SLC9A9: variants seen among roughly 807,000 people sequenced by gnomAD.
SLC9A9 encodes the protein sodium/hydrogen exchanger 9.
A neutral mutation model predicts 77.8 loss-of-function variants in SLC9A9; 62 were observed. That is an observed-to-expected ratio of 0.80 (90% CI 0.65 to 0.98). The LOEUF (loss-of-function observed/expected upper bound fraction) is 0.98, where lower values mean the gene tolerates loss of function less well. SLC9A9 is among the 50% of genes least tolerant of loss of function. The probability of loss-of-function intolerance (pLI) is 0.00; values close to 1 mark genes in which losing one functional copy is unlikely to be tolerated. For missense variants in SLC9A9, 775 were observed against 774.9 expected, an observed-to-expected ratio of 1.00 and a Z score of 0.00; for synonymous variants, 320 against 283.5, an observed-to-expected ratio of 1.13 and a Z score of -1.29.
intron 13 of SLC9A9, among the ~76,000 whole-genome samples, chr3:143,377,565 A>G (rs1221052996): frequency 6.6e-6 from 1 of 152,246 alleles, no homozygotes; most frequent in Admixed American, 6.5e-5. Flanking sequence ...CAAAACCAGA[A>G]TTTCAATGAA....
At chr3:143,832,275 C>G in intron 1 of SLC9A9, 54 bp from the exon 2 acceptor site, 1 of 1,458,590 alleles carries the variant, frequency 6.9e-7, no homozygotes, top group Non-Finnish European at 9.5e-7. Flanking sequence ...TAAAATGCCA[C>G]TATTGGAAAC....
intron 12 of SLC9A9, 86 bp downstream of exon 12, chr3:143,466,951 T>C (rs2035289301): frequency 5.3e-6 from 8 of 1,513,062 alleles, no homozygotes; most frequent in Non-Finnish European, 7.2e-6. Context: ...CCTGCCACTG[T>C]ACTATTGACT....
intron 6 of SLC9A9, among the ~76,000 whole-genome samples, chr3:143,603,780 T>C (rs1382795548): frequency 2.0e-5 from 3 of 152,234 alleles, no homozygotes. Context: ...GGACAACCGT[T>C]ACTTAGGCTC....
At position 143,652,295 on chromosome 3, in the gene SLC9A9, C is replaced by T. The variant is rs2038809680; in HGVS notation, c.715G>A (p.Glu239Lys). The change falls in exon 6 of 16, where the codon GAG becomes AAG. Residue 239 changes from glutamate to lysine, a missense_variant. By Grantham distance (56) the Glu-to-Lys change is moderately conservative (BLOSUM62 1). Transcript: ENST00000316549. ...DPDLYTLLFG[E>K]SVLNDAVAIV... ...GCCACTGCATCATTCAACACACTCT[C>T]TCCAAACAAGAGTGTGTACAGGTCA... 3 of 1,613,328 alleles carry T rather than the reference C, an allele frequency of 1.9e-6. No homozygotes were observed. Among genetic ancestry groups the T allele is most frequent in the African/African-American group, 1.3e-5 (1 of 74,938 alleles).
At chr3:143,269,683 T>G (rs1476280743) in intron 14 of SLC9A9, among the ~76,000 whole-genome samples, 2 of 152,216 alleles carry the variant, frequency 1.3e-5, no homozygotes, top group African/African-American at 4.8e-5. Flanking sequence ...TTATTTTAGT[T>G]TTTTTGCTCA....
At chr3:143,529,188 AT>A (rs1207164324) in intron 9 of SLC9A9, among the ~76,000 whole-genome samples, 1 of 152,198 alleles carries the variant, frequency 6.6e-6, no homozygotes, top group Admixed American at 6.5e-5. Flanking sequence ...AGAGTGGGAA[AT>A]GCCCCTCTGG....
Position 143,539,306 on chromosome 3 carries a change from T to C in SLC9A9, c.1089+13056A>G, listed in dbSNP as rs148507432. Among the ~76,000 whole-genome samples, 83 of 152,350 alleles carry C rather than the reference T, an allele frequency of 5.4e-4. 1 individual carries two copies. In the East Asian group the frequency reaches 8.1e-3, roughly 15 times the overall value. On this transcript the variant is annotated intron_variant, in intron 9 of 15. Transcript: ENST00000316549. The stretch of plus-strand genomic sequence containing the variant: ...GAGTTATATATCATATCTCCACTGA[T>C]AGGATTCTTTGGATTTTTGAGCTGT...
At chr3:143,661,051 T>G (rs2038971013) in intron 5 of SLC9A9, among the ~76,000 whole-genome samples, 1 of 152,176 alleles carries the variant, frequency 6.6e-6, no homozygotes, top group Non-Finnish European at 1.5e-5. Flanking sequence ...TTGAAAGTTT[T>G]TACCATATCT....
At position 143,517,257 on chromosome 3, in the gene SLC9A9, C is replaced by A. The variant is rs189786912; in HGVS notation, c.1090-21809G>T. 24 of 1,276,082 alleles carry A rather than the reference C, an allele frequency of 1.9e-5. No individual in the cohort carries two copies. In the Admixed American group the frequency reaches 3.4e-4, roughly 18 times the overall value. 79.0% of individuals were successfully genotyped at this position (1,276,082 alleles called of 1,614,324 possible). On this transcript the variant is annotated intron_variant, in intron 9 of 15. Coordinates refer to ENST00000316549, the MANE Select transcript of SLC9A9 (RefSeq NM_173653.4). ...ACCATAACTTCTGGATCCTGCATGG[C>A]GGCAAGAACCTCTGGATCACTAAGA... is the stretch of plus-strand genomic sequence containing the variant.
intron 11 of SLC9A9, among the ~76,000 whole-genome samples, chr3:143,485,955 T>A (rs1394594537): frequency 6.6e-6 from 1 of 151,820 alleles, no homozygotes; most frequent in Admixed American, 6.6e-5. Flanking sequence ...CTTCATGAAC[T>A]CCAAGTAGAT....
chr3:143,630,663 A>G (rs934840144), intron 6 of SLC9A9, among the ~76,000 whole-genome samples: 2 of 152,148 alleles, frequency 1.3e-5, no homozygotes, highest in Non-Finnish European at 2.9e-5. Flanking sequence ...TGAGGGGGAA[A>G]ATGGAATTCT....
At chr3:143,838,534 G>A (rs1468046954) in intron 1 of SLC9A9, among the ~76,000 whole-genome samples, 1 of 152,128 alleles carries the variant, frequency 6.6e-6, no homozygotes, top group Non-Finnish European at 1.5e-5. Flanking sequence ...ATAATTATTT[G>A]AAGACAGAAA....
Position 143,467,527 on chromosome 3 carries a change from T to A in SLC9A9, c.1316-337A>T, listed in dbSNP as rs149318426. Among the ~76,000 whole-genome samples the A allele has an allele frequency of 3.3e-3, 501 of 152,206 alleles. 7 individuals are homozygous for A. The highest frequency in any genetic ancestry group is 0.011 in the African/African-American group (470 of 41,536). ...GGGAAGTTGAAGTGGGAAAATCACATGAAGTCAGGCATTCGAGACCAGCCT... is the reference window on the plus strand; with the variant it reads ...GGGAAGTTGAAGTGGGAAAATCACAAGAAGTCAGGCATTCGAGACCAGCCT... On this transcript the variant is annotated intron_variant, in intron 11 of 15. Coordinates refer to ENST00000316549, the MANE Select transcript of SLC9A9 (RefSeq NM_173653.4).
At chr3:143,606,142 G>C (rs1242999334) in intron 6 of SLC9A9, among the ~76,000 whole-genome samples, 1 of 115,182 alleles carries the variant, frequency 8.7e-6, no homozygotes, top group African/African-American at 4.2e-5. Flanking sequence ...GCTCAGGTCT[G>C]TAATCCTAGC....
At chr3:143,629,252 C>A (rs1436974083) in intron 6 of SLC9A9, among the ~76,000 whole-genome samples, 2 of 152,176 alleles carry the variant, frequency 1.3e-5, no homozygotes, top group Non-Finnish European at 2.9e-5. Context: ...GTCCAAACTA[C>A]TGACTCAACA....
At chr3:143,388,102 G>C (rs924952475) in intron 12 of SLC9A9, among the ~76,000 whole-genome samples, 1 of 152,106 alleles carries the variant, frequency 6.6e-6, no homozygotes, top group Non-Finnish European at 1.5e-5. Context: ...AGAGTGGCTG[G>C]AGATTGAGCA....
At chr3:143,562,835 C>T (rs1460116660) in intron 8 of SLC9A9, among the ~76,000 whole-genome samples, 1 of 151,798 alleles carries the variant, frequency 6.6e-6, no homozygotes, top group Non-Finnish European at 1.5e-5. Flanking sequence ...GATGAATGGA[C>T]TCAACTACAT....
intron 14 of SLC9A9, among the ~76,000 whole-genome samples, chr3:143,333,133 T>C (rs1390975975): frequency 1.3e-5 from 2 of 152,184 alleles, no homozygotes; most frequent in East Asian, 3.9e-4. Flanking sequence ...CATGTTCTGA[T>C]TGGCTCAAAT....
intron 4 of SLC9A9, among the ~76,000 whole-genome samples, chr3:143,740,811 C>A (rs1576694368): frequency 6.6e-6 from 1 of 152,228 alleles, no homozygotes; most frequent in Admixed American, 6.5e-5. Flanking sequence ...ACATTAAGTA[C>A]TGTACTGTAG....
Sources: gnomAD v4.1 joint callset for allele counts (sites outside exome capture counted in the v4.1 genomes callset) on GRCh38, gnomAD v4.1.1 for gene constraint, MANE v1.5 for transcripts, NCBI Gene and HGNC (gene_info 2026-07-23, HGNC 2026-07-21) for gene names.